NAALADL2: variants seen among roughly 807,000 people sequenced by gnomAD.
The protein encoded by NAALADL2 is N-acetylated alpha-linked acidic dipeptidase like 2, also known as inactive N-acetylated-alpha-linked acidic dipeptidase-like protein 2.
In NAALADL2, 76 loss-of-function variants were observed where a neutral mutation model predicts 87.2. That is an observed-to-expected ratio of 0.87 (90% confidence interval 0.72 to 1.05). The LOEUF (loss-of-function observed/expected upper bound fraction) is 1.05, where lower values mean the gene tolerates loss of function less well. Ranked by LOEUF, NAALADL2 falls within the 50% of genes least tolerant of loss-of-function variation. NAALADL2 has a pLI of 0.00. For synonymous variants in NAALADL2, 354 were observed against 331.0 expected, an observed-to-expected ratio of 1.07 and a Z score of -0.75; for missense variants, 1,089 against 945.8, an observed-to-expected ratio of 1.15 and a Z score of -1.99.
Position 175,370,146 on chromosome 3 carries a change from T to G in NAALADL2, c.1090+45821T>G, listed in dbSNP as rs184631516. Among the ~76,000 whole-genome samples the G allele has an allele frequency of 1.4e-4, 22 of 152,276 alleles. No homozygotes were observed. The East Asian group carries it at 4.1e-3, about 28-fold the overall frequency. On this transcript the variant is annotated intron_variant, in intron 5 of 13. Coordinates refer to ENST00000454872, the MANE Select transcript of NAALADL2 (RefSeq NM_207015.3). ...ATCCAGTCATAGTTCATCATCAAAC[T>G]CTGAGTAAAATGGAGAAAAAAAGAC... is the stretch of plus-strand genomic sequence containing the variant.
intron 2 of NAALADL2, among the ~76,000 whole-genome samples, chr3:175,194,141 A>C (rs560651324): frequency 1.3e-5 from 2 of 151,986 alleles, no homozygotes; most frequent in African/African-American, 4.8e-5. Flanking sequence ...ATAGAAGCAG[A>C]TGTTATTATA....
chr3:174,504,914 C>G (rs1242419415), intron 1 of NAALADL2, among the ~76,000 whole-genome samples: 1 of 152,034 alleles, frequency 6.6e-6, no homozygotes, highest in Non-Finnish European at 1.5e-5. Context: ...TCTTTAACTC[C>G]AGCATACTAT....
intron 3 of NAALADL2, among the ~76,000 whole-genome samples, chr3:174,836,951 A>T (rs1010953598): frequency 1.3e-5 from 2 of 152,128 alleles, no homozygotes; most frequent in African/African-American, 4.8e-5. Context: ...AAGATAGAAA[A>T]AAAATAAAAC....
intron 5 of NAALADL2, among the ~76,000 whole-genome samples, chr3:175,339,264 T>G (rs1762345808): frequency 6.6e-6 from 1 of 152,222 alleles, no homozygotes; most frequent in African/African-American, 2.4e-5. Context: ...AGGATCCTGC[T>G]TTAGGTATCT....
chr3:175,339,759 C>G (rs1581487934), intron 5 of NAALADL2, among the ~76,000 whole-genome samples: 1 of 152,108 alleles, frequency 6.6e-6, no homozygotes, highest in Admixed American at 6.6e-5. Flanking sequence ...TTTTGATATA[C>G]CCCTTTCAGA....
At chr3:175,384,828 C>T (rs1381854707) in intron 5 of NAALADL2, among the ~76,000 whole-genome samples, 2 of 148,882 alleles carry the variant, frequency 1.3e-5, no homozygotes, top group South Asian at 2.1e-4. Context: ...AGTTTTATTT[C>T]CAGAAATCAC....
At chr3:175,639,623 T>C (rs1456670420) in intron 11 of NAALADL2, among the ~76,000 whole-genome samples, 3 of 152,134 alleles carry the variant, frequency 2.0e-5, no homozygotes, top group Non-Finnish European at 2.9e-5. Context: ...TTAAATGTAA[T>C]CTATTTTTAA....
intron 9 of NAALADL2, among the ~76,000 whole-genome samples, chr3:175,475,023 G>A (rs7349508): frequency 0.22 from 5,856 of 26,034 alleles, 166 homozygotes; most frequent in South Asian, 0.41. Flanking sequence ...AAACATTTAA[G>A]TACACACACA....
chr3:175,778,673 T>C (rs1750599830), intron 13 of NAALADL2, among the ~76,000 whole-genome samples: 1 of 152,210 alleles, frequency 6.6e-6, no homozygotes, highest in Non-Finnish European at 1.5e-5. Flanking sequence ...GCTCATGTAA[T>C]TATTATAAAA....
chr3:175,706,427 C>A (rs1488669883), intron 11 of NAALADL2, among the ~76,000 whole-genome samples: 1 of 152,044 alleles, frequency 6.6e-6, no homozygotes, highest in Non-Finnish European at 1.5e-5. Flanking sequence ...GCAATTCTAA[C>A]AATAATAAAG....
intron 2 of NAALADL2, among the ~76,000 whole-genome samples, chr3:175,223,577 A>G (rs1179154314): frequency 6.6e-6 from 1 of 152,122 alleles, no homozygotes; most frequent in Non-Finnish European, 1.5e-5. Context: ...ATCATGAAAA[A>G]CTATACAATG....
intron 3 of NAALADL2, among the ~76,000 whole-genome samples, chr3:174,761,461 TG>T (rs1341709067): frequency 6.6e-6 from 1 of 152,158 alleles, no homozygotes; most frequent in Non-Finnish European, 1.5e-5. Flanking sequence ...TACATAAAAA[TG>T]GATCACTTAC....
chr3:175,084,823 G>A (rs1718562896), intron 1 of NAALADL2, among the ~76,000 whole-genome samples: 1 of 152,100 alleles, frequency 6.6e-6, no homozygotes, highest in Non-Finnish European at 1.5e-5. Context: ...AAATTTAAAG[G>A]TAATTAAAAA....
intron 2 of NAALADL2, among the ~76,000 whole-genome samples, chr3:174,645,881 G>T (rs1420704586): frequency 6.6e-6 from 1 of 152,108 alleles, no homozygotes; most frequent in Admixed American, 6.5e-5. Flanking sequence ...ATTTTCTGGA[G>T]TCATGCTGTT....
intron 1 of NAALADL2, among the ~76,000 whole-genome samples, chr3:174,862,942 G>A (rs1726681608): frequency 6.6e-6 from 1 of 152,084 alleles, no homozygotes; most frequent in Non-Finnish European, 1.5e-5. Flanking sequence ...GATGTTCCAA[G>A]TACAGAGGAG....
At chr3:174,557,091 G>T (rs1241958310) in intron 2 of NAALADL2, among the ~76,000 whole-genome samples, 1 of 151,986 alleles carries the variant, frequency 6.6e-6, no homozygotes, top group East Asian at 1.9e-4. Context: ...ACATGTAATT[G>T]CTATACAAAA....
At chr3:175,261,572 C>CT (rs879358700) in intron 4 of NAALADL2, among the ~76,000 whole-genome samples, 29 of 151,856 alleles carry the variant, frequency 1.9e-4, no homozygotes, top group Admixed American at 5.3e-4. Context: ...AACTCTATTG[C>CT]TTTTTTTTAT....
intron 3 of NAALADL2, among the ~76,000 whole-genome samples, chr3:174,807,869 T>TTGGGTGTGTGTGTG (rs1553861439): frequency 6.7e-6 from 1 of 149,846 alleles, no homozygotes; most frequent in Non-Finnish European, 1.5e-5. Flanking sequence ...ATTATTTTCA[T>TTGGGTGTGTGTGTG]TGTGTGTGTG....
chr3:175,784,939 T>G (rs1751711333), intron 13 of NAALADL2, among the ~76,000 whole-genome samples: 1 of 130,490 alleles, frequency 7.7e-6, no homozygotes, highest in South Asian at 2.4e-4. Flanking sequence ...ACATCTTTAT[T>G]TCTGCCTTCA....
Sources: gnomAD v4.1 joint callset for allele counts (sites outside exome capture counted in the v4.1 genomes callset) on GRCh38, gnomAD v4.1.1 for gene constraint, MANE v1.5 for transcripts, NCBI Gene and HGNC (gene_info 2026-07-23, HGNC 2026-07-21) for gene names.